Variants in PUM1 observed in about 807,000 individuals in gnomAD.
PUM1 encodes pumilio RNA binding family member 1.
In PUM1, 13 loss-of-function variants were observed where a neutral mutation model predicts 131.8. The ratio of observed to expected loss-of-function variants is 0.10; its 90% CI spans 0.06 to 0.16. The LOEUF is 0.16. Among genes scored for constraint, PUM1 ranks in the 10% least tolerant of loss-of-function variants. The pLI is 1.00. For synonymous variants in PUM1, 509 were observed against 556.5 expected (o/e 0.91, Z 1.20); for missense variants, 961 against 1,512.4 (o/e 0.64, Z 6.05).
rs35972861 is a variant in PUM1 at position 30,932,639 on chromosome 1, TTATATATATATATA to T, written c.*558_*571del. On this transcript the variant is annotated 3_prime_UTR_variant, in exon 22 of 22. Coordinates refer to ENST00000426105, the MANE Select transcript of PUM1 (RefSeq NM_001020658.2). The stretch of plus-strand genomic sequence containing the variant: ...TTTAGCAACTCTGAAACCTTTTTCA[TTATATATATATATA>T]TATATATATATATTTTTTATAAACA... 1.1e-5 allele frequency: 1 copy of T among 92,676 alleles called. No individual in the cohort carries two copies. The highest frequency in any genetic ancestry group is 3.5e-4 in the East Asian group (1 of 2,890). The allele number at this position is 92,676 out of a possible 1,614,324, so 5.7% of individuals were successfully genotyped here. A position where few individuals can be genotyped will look rare whatever the true frequency, so the allele number is the denominator to read the frequency against.
chr1:30,969,332 A>G (rs576866276), intron 10 of PUM1, among the ~76,000 whole-genome samples: 2,756 of 135,236 alleles, frequency 0.02, 87 homozygotes, highest in African/African-American at 0.066. Flanking sequence ...AAAAAAAAAA[A>G]AAAAGAAAAA....
At chr1:31,018,306 G>A (rs1040620886) in intron 3 of PUM1, among the ~76,000 whole-genome samples, 3 of 151,482 alleles carry the variant, frequency 2.0e-5, no homozygotes, top group Non-Finnish European at 2.9e-5. Flanking sequence ...CCGAGATCTC[G>A]CCACTGCACT....
chr1:30,988,138 G>C (rs1021003223), intron 7 of PUM1, among the ~76,000 whole-genome samples: 2 of 151,818 alleles, frequency 1.3e-5, no homozygotes, highest in African/African-American at 4.8e-5. Context: ...AGAAGTTCAC[G>C]GCACACACAA....
At chr1:31,033,125 T>C (rs532535706) in intron 2 of PUM1, among the ~76,000 whole-genome samples, 7 of 151,528 alleles carry the variant, frequency 4.6e-5, no homozygotes, top group African/African-American at 1.2e-4. Context: ...GAAATCTAAA[T>C]ACAGGGCTAG....
chr1:31,039,164 CTTT>C (rs1193466356), intron 2 of PUM1, among the ~76,000 whole-genome samples: 2 of 146,420 alleles, frequency 1.4e-5, no homozygotes. Context: ...GCCTGGCTGA[CTTT>C]TTAATTTTTT....
At chr1:30,998,892 C>CCATT in intron 5 of PUM1, among the ~76,000 whole-genome samples, 1 of 152,174 alleles carries the variant, frequency 6.6e-6, no homozygotes, top group East Asian at 1.9e-4. Flanking sequence ...CATGAAGACC[C>CCATT]TAAAGACAAT....
At chr1:30,998,079 T>G (rs551056601) in intron 5 of PUM1, among the ~76,000 whole-genome samples, 1 of 152,076 alleles carries the variant, frequency 6.6e-6, no homozygotes, top group Admixed American at 6.6e-5. Flanking sequence ...TTTTAGAGAG[T>G]GGGGAACCCA....
chr1:31,051,094 C>T (rs552471849), intron 2 of PUM1: 3 of 151,940 alleles, frequency 2.0e-5, no homozygotes, highest in African/African-American at 7.2e-5. Flanking sequence ...GGCATCCACC[C>T]CAATGAAAGA....
chr1:31,057,536 C>A (rs1165390650), intron 2 of PUM1, among the ~76,000 whole-genome samples: 1 of 151,402 alleles, frequency 6.6e-6, no homozygotes, highest in Non-Finnish European at 1.5e-5. Context: ...ACCAGCCCGG[C>A]CAACATGGTG....
chr1:30,952,399 G>A, intron 15 of PUM1, 36 bp from the exon 16 acceptor site: 5 of 1,613,182 alleles, frequency 3.1e-6, no homozygotes, highest in Non-Finnish European at 4.2e-6. Context: ...TCACAGCACT[G>A]AAGGAAGACC....
chr1:31,008,977 T>C (rs1294308607), intron 3 of PUM1, among the ~76,000 whole-genome samples: 2 of 147,750 alleles, frequency 1.4e-5, no homozygotes, highest in African/African-American at 5.1e-5. Context: ...ATCAAGACCA[T>C]CCTGGCTAAC....
chr1:30,937,519 G>A (rs1390403768), intron 20 of PUM1, among the ~76,000 whole-genome samples: 1 of 152,018 alleles, frequency 6.6e-6, no homozygotes, highest in Non-Finnish European at 1.5e-5. Context: ...TCCTGACCTC[G>A]TTATCTGCCC....
chr1:30,955,252 A>T (rs1476915929), intron 14 of PUM1, among the ~76,000 whole-genome samples: 1 of 151,256 alleles, frequency 6.6e-6, no homozygotes, highest in Non-Finnish European at 1.5e-5. Flanking sequence ...TCGGGAGATC[A>T]AGACCATCCT....
intron 10 of PUM1, among the ~76,000 whole-genome samples, chr1:30,971,234 G>C (rs1640860762): frequency 6.6e-6 from 1 of 152,054 alleles, no homozygotes; most frequent in African/African-American, 2.4e-5. Context: ...AAATACAAGG[G>C]CCCAAAAGGC....
chr1:31,061,592 C>G (rs1277666241), intron 1 of PUM1: 1 of 151,324 alleles, frequency 6.6e-6, no homozygotes, highest in Non-Finnish European at 1.5e-5. Context: ...GAGCGAGACT[C>G]TGTCTCAAAA....
At chr1:31,010,194 GTC>G (rs1197170569) in intron 3 of PUM1, among the ~76,000 whole-genome samples, 4 of 152,116 alleles carry the variant, frequency 2.6e-5, no homozygotes, top group African/African-American at 9.7e-5. Flanking sequence ...GCTCTTAAAA[GTC>G]TCTGAATCTT....
intron 2 of PUM1, among the ~76,000 whole-genome samples, chr1:31,029,133 A>G (rs983363856): frequency 6.6e-6 from 1 of 152,232 alleles, no homozygotes; most frequent in Non-Finnish European, 1.5e-5. Context: ...AAATTCCATC[A>G]TGAGAATTAT....
chr1:30,936,939 A>G (rs1163768125), intron 20 of PUM1, 104 bp from the exon 21 acceptor site: 2 of 961,768 alleles, frequency 2.1e-6, no homozygotes, highest in Non-Finnish European at 3.0e-6. Context: ...GCAGGGAGAG[A>G]GAGCTATTTA....
In PUM1 at chr1:30,931,907, T is replaced by C. The variant is rs955308979; in HGVS notation, c.*1304A>G. 1 of 152,556 alleles carries C rather than the reference T, an allele frequency of 6.6e-6. No individual in the cohort carries two copies. Among genetic ancestry groups the C allele is most frequent in the East Asian group, 1.9e-4 (1 of 5,194 alleles). The allele number at this position is 152,556 out of a possible 1,614,324, so 9.5% of individuals were successfully genotyped here. ...TTTTGACTGTCACAAAATCAAAACA[T>C]TACTTTTTTAGGATTAAAAAAACAC... is the stretch of plus-strand genomic sequence containing the variant. On this transcript the variant is annotated 3_prime_UTR_variant, in exon 22 of 22. Transcript: ENST00000426105.
Sources: allele counts gnomAD v4.1 joint callset (sites outside exome capture counted in the v4.1 genomes callset), GRCh38; gene constraint gnomAD v4.1.1; transcripts MANE v1.5; gene names NCBI Gene and HGNC (gene_info 2026-07-23, HGNC 2026-07-21).